SNW1: variants seen among roughly 807,000 people sequenced by gnomAD.
SNW1 encodes the protein SNW domain containing 1.
SNW1 carries 9 observed loss-of-function variants against 75.6 expected under a neutral mutation model. The ratio of observed to expected loss-of-function variants is 0.12; its 90% CI spans 0.07 to 0.21. SNW1 has a LOEUF of 0.21. SNW1 is among the 10% of genes least tolerant of loss of function. The probability of loss-of-function intolerance (pLI) is 1.00; values close to 1 mark genes in which losing one functional copy is unlikely to be tolerated. For missense variants in SNW1, 409 were observed against 670.9 expected (o/e 0.61, Z 4.31); for synonymous variants, 200 against 219.1 (o/e 0.91, Z 0.77).
chr14:77,727,900 T>C (rs1293838331), intron 10 of SNW1, among the ~76,000 whole-genome samples: 1 of 152,174 alleles, frequency 6.6e-6, no homozygotes, highest in Non-Finnish European at 1.5e-5. Context: ...ACTAATGACC[T>C]TGTAGAATGA....
At chr14:77,742,247 G>A (rs1013019205) in intron 3 of SNW1, among the ~76,000 whole-genome samples, 2 of 151,948 alleles carry the variant, frequency 1.3e-5, no homozygotes, top group African/African-American at 4.8e-5. Context: ...TGTTGGCCAG[G>A]CTGGTCTCGA....
In SNW1 at chr14:77,725,600, G is replaced by C. The variant is rs74968030; in HGVS notation, c.1034-2323C>G. On this transcript the variant is annotated intron_variant, in intron 10 of 13. Coordinates refer to ENST00000261531, the MANE Select transcript of SNW1 (RefSeq NM_012245.3). ...TTGAAGAGACTATCCTTTCCCCAATGTATGCTTTGGGCATCAGCGTTAAAA... is the reference window on the plus strand; with the variant it reads ...TTGAAGAGACTATCCTTTCCCCAATCTATGCTTTGGGCATCAGCGTTAAAA... Among the ~76,000 whole-genome samples, 309 of 152,240 alleles carry C rather than the reference G, an allele frequency of 2.0e-3. 9 individuals are homozygous for C. In the East Asian group the frequency reaches 0.051, roughly 25 times the overall value.
At chr14:77,736,348 G>C (rs2080671482) in intron 6 of SNW1, among the ~76,000 whole-genome samples, 1 of 152,142 alleles carries the variant, frequency 6.6e-6, no homozygotes, top group African/African-American at 2.4e-5. Flanking sequence ...AGGAGATCGA[G>C]ACCATCCTGG....
rs554085899 is a variant in SNW1 at position 77,743,476 on chromosome 14, TTAA to T, written c.331-4418_331-4416del. Among the ~76,000 whole-genome samples the T allele has an allele frequency of 1.4e-4, 21 of 152,310 alleles. No homozygotes were observed. The South Asian group carries it at 3.9e-3, about 29-fold the overall frequency. ...ATTTTCCATTCTTACTCATTCACTA[TTAA>T]TATTTCAGTGAGAACTCCCTCGTTT... On this transcript the variant is annotated intron_variant, in intron 3 of 13. Transcript: ENST00000261531.
chr14:77,748,021 T>C (rs2080777864), intron 3 of SNW1, among the ~76,000 whole-genome samples: 1 of 152,212 alleles, frequency 6.6e-6, no homozygotes, highest in African/African-American at 2.4e-5. Flanking sequence ...GCTGTGTCTG[T>C]GTAGAGGGAA....
intron 2 of SNW1, 81 bp from the exon 3 acceptor site, chr14:77,751,561 G>T: frequency 8.6e-7 from 1 of 1,159,936 alleles, no homozygotes; most frequent in Non-Finnish European, 1.2e-6. Context: ...ACAAGTAATT[G>T]TTGAGTCCTT....
chr14:77,749,268 T>TA (rs1429408058), intron 3 of SNW1, among the ~76,000 whole-genome samples: 3 of 152,260 alleles, frequency 2.0e-5, no homozygotes, highest in South Asian at 2.1e-4. Context: ...GAATGTGCTG[T>TA]AAAAAAATGT....
At chr14:77,736,585 A>AAAAAC (rs1566830719) in intron 6 of SNW1, among the ~76,000 whole-genome samples, 3 of 134,532 alleles carry the variant, frequency 2.2e-5, no homozygotes, top group East Asian at 4.0e-4. Context: ...AAAACAAAAA[A>AAAAAC]AGGCAGCTTT....
intron 1 of SNW1, 138 bp from the exon 2 acceptor site, chr14:77,755,258 T>A: frequency 1.4e-6 from 1 of 726,444 alleles, no homozygotes; most frequent in Non-Finnish European, 2.3e-6. Flanking sequence ...CAATGATTTA[T>A]GGTAGTACTC....
intron 3 of SNW1, 80 bp from the exon 4 acceptor site, chr14:77,739,141 T>A: frequency 1.0e-6 from 1 of 971,754 alleles, no homozygotes; most frequent in Non-Finnish European, 1.7e-6. Context: ...GATGTCAACA[T>A]GCCCTCTCAG....
chr14:77,761,073 C>G (rs1172089975), intron 1 of SNW1, 41 bp downstream of exon 1: 4 of 1,614,230 alleles, frequency 2.5e-6, no homozygotes, highest in Non-Finnish European at 3.4e-6. Flanking sequence ...GACTGGTACT[C>G]CCAGACCCTT....
At chr14:77,721,397 C>T (rs72685302) in intron 11 of SNW1, among the ~76,000 whole-genome samples, 19,891 of 152,148 alleles carry the variant, frequency 0.13, 1,476 homozygotes, top group Middle Eastern at 0.19. Flanking sequence ...ACTGTCATTA[C>T]TTGTTTTACT....
At position 77,753,112 on chromosome 14, in the gene SNW1, C is replaced by T. The variant is rs191751115; in HGVS notation, c.169-1632G>A. Reference sequence around the variant, plus strand: ...GAACAAAATGCCTTCTTCCACAGAACATTCACTCCCCTCAAGCAGCATCCA... The same window carrying T: ...GAACAAAATGCCTTCTTCCACAGAATATTCACTCCCCTCAAGCAGCATCCA... On this transcript the variant is annotated intron_variant, in intron 2 of 13. Transcript: ENST00000261531. 6.6e-5 allele frequency among the ~76,000 whole-genome samples: 10 copies of T among 152,300 alleles called. No individual in the cohort carries two copies. The East Asian group carries it at 1.9e-3, about 29-fold the overall frequency.
At chr14:77,751,530 C>T in intron 2 of SNW1, 50 bp from the exon 3 acceptor site, 1 of 1,415,666 alleles carries the variant, frequency 7.1e-7, no homozygotes, top group Non-Finnish European at 9.7e-7. Context: ...ATTTGACATT[C>T]AAGATATATT....
intron 3 of SNW1, among the ~76,000 whole-genome samples, chr14:77,741,164 AT>A (rs989806007): frequency 6.6e-6 from 1 of 150,436 alleles, no homozygotes; most frequent in African/African-American, 2.4e-5. Context: ...TTTGATCAAT[AT>A]TTTTTGTACA....
intron 11 of SNW1, chr14:77,722,507 G>C (rs2080549683): frequency 6.6e-6 from 3 of 455,542 alleles, no homozygotes; most frequent in Non-Finnish European, 1.3e-5. Flanking sequence ...CCTGTCTAAA[G>C]AGGCACATAA....
chr14:77,738,921 T>C, intron 4 of SNW1, 37 bp from the exon 5 acceptor site: 3 of 1,609,142 alleles, frequency 1.9e-6, no homozygotes, highest in Non-Finnish European at 2.6e-6. Context: ...GTTTGGAAGT[T>C]AATCAGGATG....
intron 11 of SNW1, 37 bp downstream of exon 11, chr14:77,723,144 G>A: frequency 6.5e-7 from 1 of 1,539,372 alleles, no homozygotes; most frequent in Non-Finnish European, 9.0e-7. Context: ...ACTGCGCCCG[G>A]CCACCATGAT....
intron 11 of SNW1, chr14:77,721,056 T>A: frequency 2.0e-6 from 1 of 497,066 alleles, no homozygotes; most frequent in Non-Finnish European, 3.6e-6. Context: ...CAAAAGAACA[T>A]CTAACAGATT....
Sources: allele counts gnomAD v4.1 joint callset (sites outside exome capture counted in the v4.1 genomes callset), GRCh38; gene constraint gnomAD v4.1.1; transcripts MANE v1.5; gene names NCBI Gene and HGNC (gene_info 2026-07-23, HGNC 2026-07-21).